The following GRID2 variants were observed in gnomAD, a reference collection of about 807,000 sequenced individuals.
The protein encoded by GRID2 is glutamate ionotropic receptor delta type subunit 2, also known as glutamate receptor ionotropic, delta-2.
A neutral mutation model predicts 114.8 loss-of-function variants in GRID2; 33 were observed. The observed-to-expected ratio is 0.29, with a 90% CI of 0.22 to 0.38. The LOEUF (loss-of-function observed/expected upper bound fraction) is 0.38. GRID2 is among the 10% of genes least tolerant of loss of function. The pLI is 1.00. For synonymous variants in GRID2, 505 were observed against 449.9 expected, an observed-to-expected ratio of 1.12 and a Z score of -1.55; for missense variants, 1,184 against 1,257.7, an observed-to-expected ratio of 0.94 and a Z score of 0.89.
At chr4:93,102,186 T>A (rs1731767284) in intron 3 of GRID2, among the ~76,000 whole-genome samples, 1 of 152,230 alleles carries the variant, frequency 6.6e-6, no homozygotes, top group African/African-American at 2.4e-5. Context: ...CTTTAGTTAC[T>A]TTCACACTAG....
intron 1 of GRID2, among the ~76,000 whole-genome samples, chr4:93,800,517 G>A (rs934499815): frequency 1.3e-5 from 2 of 152,098 alleles, no homozygotes; most frequent in Non-Finnish European, 2.9e-5. Flanking sequence ...TCATGTATTT[G>A]TATTGTATTA....
At chr4:92,882,746 G>C (rs1024517630) in intron 2 of GRID2, among the ~76,000 whole-genome samples, 10 of 152,278 alleles carry the variant, frequency 6.6e-5, no homozygotes, top group African/African-American at 2.4e-4. Flanking sequence ...TAAAAGTTGT[G>C]TTTAAAGTAT....
At chr4:93,520,632 G>T (rs1730239739) in intron 13 of GRID2, among the ~76,000 whole-genome samples, 1 of 152,118 alleles carries the variant, frequency 6.6e-6, no homozygotes, top group South Asian at 2.1e-4. Context: ...AGATGGATAT[G>T]ATCAGAGTGG....
chr4:92,410,243 T>C (rs755065521), intron 1 of GRID2, among the ~76,000 whole-genome samples: 9 of 152,184 alleles, frequency 5.9e-5, no homozygotes, highest in Non-Finnish European at 1.2e-4. Context: ...GGGCACATGT[T>C]TTCATTAGGC....
At chr4:92,771,465 G>C (rs1310194776) in intron 2 of GRID2, among the ~76,000 whole-genome samples, 1 of 152,062 alleles carries the variant, frequency 6.6e-6, no homozygotes, top group African/African-American at 2.4e-5. Context: ...GTATACGGTG[G>C]GGAGGTCGGA....
At chr4:92,477,805 A>C (rs959446760) in intron 1 of GRID2, among the ~76,000 whole-genome samples, 2 of 147,388 alleles carry the variant, frequency 1.4e-5, no homozygotes, top group Non-Finnish European at 3.0e-5. Flanking sequence ...CATATAATAC[A>C]TTAATATAAT....
At position 92,304,615 on chromosome 4, in the gene GRID2, T is replaced by G; in HGVS notation, c.-42T>G. 4 of 1,403,148 alleles carry G rather than the reference T, an allele frequency of 2.9e-6. No individual in the cohort carries two copies. Among genetic ancestry groups the G allele is most frequent in the Admixed American group, 1.7e-5 (1 of 58,866 alleles). 86.9% of individuals were successfully genotyped at this position (1,403,148 alleles called of 1,614,324 possible). ...TTGGACTGTTTGAAAAAAAAAAAAT[T>G]GGAAGAAAATCCATCCTCCAAGAGA... On this transcript the variant is annotated 5_prime_UTR_variant, in exon 1 of 16. In the 5' UTR this introduces an upstream ATG that the reference lacks. Coordinates refer to ENST00000282020, the MANE Select transcript of GRID2 (RefSeq NM_001510.4).
intron 8 of GRID2, among the ~76,000 whole-genome samples, chr4:93,257,304 T>C (rs1483717221): frequency 6.6e-6 from 1 of 151,776 alleles, no homozygotes; most frequent in Non-Finnish European, 1.5e-5. Flanking sequence ...TTAAAGATCA[T>C]TGAGGTAGAT....
At chr4:93,416,765 A>G (rs1342266491) in intron 9 of GRID2, among the ~76,000 whole-genome samples, 1 of 152,128 alleles carries the variant, frequency 6.6e-6, no homozygotes, top group East Asian at 1.9e-4. Flanking sequence ...CTGAATACAG[A>G]TTCAGAATCA....
chr4:93,689,254 T>C (rs1371896355), intron 14 of GRID2, among the ~76,000 whole-genome samples: 1 of 152,012 alleles, frequency 6.6e-6, no homozygotes, highest in Non-Finnish European at 1.5e-5. Context: ...CTGTGGTACT[T>C]TGTTATGGCA....
At chr4:92,809,770 G>A (rs1740581803) in intron 2 of GRID2, among the ~76,000 whole-genome samples, 1 of 152,066 alleles carries the variant, frequency 6.6e-6, no homozygotes, top group African/African-American at 2.4e-5. Context: ...GTCTGCAGTT[G>A]AAGGTATTAC....
chr4:93,746,947 G>T (rs188636383), intron 14 of GRID2, among the ~76,000 whole-genome samples: 19 of 152,034 alleles, frequency 1.2e-4, no homozygotes, highest in African/African-American at 4.6e-4. Context: ...AAGGATTAGA[G>T]AATTTTTTTC....
intron 14 of GRID2, among the ~76,000 whole-genome samples, chr4:93,678,342 G>A (rs1055048978): frequency 2.0e-5 from 3 of 152,166 alleles, no homozygotes; most frequent in Admixed American, 2.0e-4. Context: ...AACCAAGTTG[G>A]AAAACACTCT....
At chr4:93,379,081 A>G (rs1204215958) in intron 8 of GRID2, among the ~76,000 whole-genome samples, 1 of 152,034 alleles carries the variant, frequency 6.6e-6, no homozygotes, top group Non-Finnish European at 1.5e-5. Flanking sequence ...AAATCTATAT[A>G]CTTCATATAG....
intron 14 of GRID2, among the ~76,000 whole-genome samples, chr4:93,677,929 G>A (rs1320255968): frequency 7.1e-6 from 1 of 140,110 alleles, no homozygotes; most frequent in Non-Finnish European, 1.5e-5. Flanking sequence ...AAGCTGGATG[G>A]AGAATGACTT....
intron 15 of GRID2, among the ~76,000 whole-genome samples, chr4:93,770,682 T>C (rs1208640065): frequency 6.6e-6 from 1 of 152,200 alleles, no homozygotes; most frequent in African/African-American, 2.4e-5. Context: ...GGTATCTCCG[T>C]TGACATTGAT....
intron 11 of GRID2, among the ~76,000 whole-genome samples, chr4:93,488,175 C>T (rs544316662): frequency 6.6e-6 from 1 of 151,870 alleles, no homozygotes; most frequent in African/African-American, 2.4e-5. Context: ...TCATCTTGTT[C>T]ACATTTTATT....
chr4:92,861,969 T>C (rs1438510542), intron 2 of GRID2, among the ~76,000 whole-genome samples: 2 of 152,020 alleles, frequency 1.3e-5, no homozygotes, highest in African/African-American at 4.8e-5. Context: ...CCCACTATAT[T>C]ATAAGACCCC....
intron 2 of GRID2, among the ~76,000 whole-genome samples, chr4:92,597,121 A>C (rs1212957354): frequency 6.6e-6 from 1 of 151,856 alleles, no homozygotes; most frequent in Non-Finnish European, 1.5e-5. Context: ...TATTTGTTTA[A>C]TTTATAAAGG....
Sources: allele counts gnomAD v4.1 joint callset (sites outside exome capture counted in the v4.1 genomes callset), GRCh38; gene constraint gnomAD v4.1.1; transcripts MANE v1.5; gene names NCBI Gene and HGNC (gene_info 2026-07-23, HGNC 2026-07-21).